The following DCC variants were observed in gnomAD, a reference collection of about 807,000 sequenced individuals.
DCC encodes the protein DCC netrin 1 receptor.
DCC carries 58 observed loss-of-function variants against 172.5 expected under a neutral mutation model. That is an observed-to-expected ratio of 0.34 (90% CI 0.27 to 0.42). The LOEUF is 0.42. DCC is among the 10% of genes least tolerant of loss of function. DCC has a pLI of 1.00. For synonymous variants in DCC, 709 were observed against 644.5 expected (o/e 1.10, Z -1.52); for missense variants, 1,740 against 1,791.0 (o/e 0.97, Z 0.51).
At chr18:53,446,145 A>T (rs1322704733) in intron 22 of DCC, among the ~76,000 whole-genome samples, 1 of 144,758 alleles carries the variant, frequency 6.9e-6, no homozygotes, top group Non-Finnish European at 1.5e-5. Flanking sequence ...TTTTCCAGGG[A>T]TGGTGGCATG....
At chr18:52,997,616 G>A in intron 5 of DCC, among the ~76,000 whole-genome samples, 1 of 152,060 alleles carries the variant, frequency 6.6e-6, no homozygotes, top group East Asian at 1.9e-4. Flanking sequence ...TCTAAGATGT[G>A]CATTGTGCAG....
At chr18:52,425,796 A>T (rs1445920037) in intron 1 of DCC, among the ~76,000 whole-genome samples, 1 of 152,154 alleles carries the variant, frequency 6.6e-6, no homozygotes, top group Non-Finnish European at 1.5e-5. Context: ...CATAGAAATT[A>T]TGTGACTTTG....
At chr18:52,766,312 C>T (rs62081918) in intron 2 of DCC, among the ~76,000 whole-genome samples, 15,089 of 152,260 alleles carry the variant, frequency 0.099, 958 homozygotes, top group Middle Eastern at 0.22. Flanking sequence ...TGTTACAGTG[C>T]TTTCAGCTCT....
chr18:52,669,530 G>T (rs889126801), intron 1 of DCC, among the ~76,000 whole-genome samples: 2 of 152,194 alleles, frequency 1.3e-5, no homozygotes, highest in African/African-American at 2.4e-5. Flanking sequence ...GATGGAATTG[G>T]TTAGATTAGA....
At chr18:52,818,058 A>G (rs1385967531) in intron 2 of DCC, 1 of 152,184 alleles carries the variant, frequency 6.6e-6, no homozygotes, top group Admixed American at 6.5e-5. Flanking sequence ...TGGAGAAAAC[A>G]GAATGATTAG....
At chr18:52,389,168 G>T (rs571340140) in intron 1 of DCC, among the ~76,000 whole-genome samples, 68 of 152,134 alleles carry the variant, frequency 4.5e-4, no homozygotes, top group Non-Finnish European at 8.4e-4. Flanking sequence ...TTTTTGCAGT[G>T]GCTTATAACC....
At chr18:52,739,586 C>G (rs191120984) in intron 1 of DCC, among the ~76,000 whole-genome samples, 1 of 152,200 alleles carries the variant, frequency 6.6e-6, no homozygotes, top group African/African-American at 2.4e-5. Context: ...TCAGTGAAGA[C>G]TTTCTGTCTC....
chr18:52,577,312 A>C (rs965143724), intron 1 of DCC, among the ~76,000 whole-genome samples: 2 of 152,208 alleles, frequency 1.3e-5, no homozygotes, highest in Admixed American at 1.3e-4. Flanking sequence ...ACTAATCACT[A>C]ATCAACTTGA....
At chr18:52,750,549 T>C (rs1338107172) in intron 1 of DCC, among the ~76,000 whole-genome samples, 1 of 152,126 alleles carries the variant, frequency 6.6e-6, no homozygotes, top group Non-Finnish European at 1.5e-5. Flanking sequence ...GTGAAAGGAA[T>C]GAATATATGA....
intron 15 of DCC, among the ~76,000 whole-genome samples, chr18:53,345,322 C>T (rs2057710865): frequency 6.6e-6 from 1 of 152,078 alleles, no homozygotes; most frequent in African/African-American, 2.4e-5. Flanking sequence ...ATCTTTCCCA[C>T]TTTATTTAGG....
intron 9 of DCC, among the ~76,000 whole-genome samples, chr18:53,204,628 CCTT>C (rs2055596676): frequency 6.6e-6 from 1 of 151,494 alleles, no homozygotes; most frequent in Admixed American, 6.6e-5. Flanking sequence ...AGTTATTTAT[CCTT>C]CTTAAGTAAC....
At chr18:53,468,384 A>T (rs371674520) in intron 25 of DCC, among the ~76,000 whole-genome samples, 47 of 144,268 alleles carry the variant, frequency 3.3e-4, no homozygotes, top group African/African-American at 6.4e-4. Flanking sequence ...TATTTATTTT[A>T]TTTATTTATT....
intron 5 of DCC, among the ~76,000 whole-genome samples, chr18:52,947,343 AG>A (rs1219953217): frequency 6.6e-6 from 1 of 152,166 alleles, no homozygotes; most frequent in Non-Finnish European, 1.5e-5. Context: ...TATTTGTACT[AG>A]TCAACTCCTT....
At chr18:52,814,157 G>C (rs56098976) in intron 2 of DCC, among the ~76,000 whole-genome samples, 1 of 152,152 alleles carries the variant, frequency 6.6e-6, no homozygotes, top group Non-Finnish European at 1.5e-5. Context: ...GATATCGTGG[G>C]TTTGTGTTGC....
At position 52,826,482 on chromosome 18, in the gene DCC, CT is replaced by C. The variant is rs201342264; in HGVS notation, c.412+74117del. Among the ~76,000 whole-genome samples the C allele has an allele frequency of 2.7e-5, 4 of 150,730 alleles. No individual in the cohort carries two copies. In the South Asian group the frequency reaches 6.3e-4, roughly 24 times the overall value. ...GAACATTCTAAATTTCTTCCATTCT[CT>C]TTTTTTTTAATGGGAATGAGTCTTT... is the stretch of plus-strand genomic sequence containing the variant. On this transcript the variant is annotated intron_variant, in intron 2 of 28. Coordinates refer to ENST00000442544, the MANE Select transcript of DCC (RefSeq NM_005215.4).
intron 1 of DCC, among the ~76,000 whole-genome samples, chr18:52,744,167 T>C (rs2036871036): frequency 6.6e-6 from 1 of 152,218 alleles, no homozygotes; most frequent in Admixed American, 6.5e-5. Flanking sequence ...TTATGCAATA[T>C]TTATTTAGTA....
intron 2 of DCC, among the ~76,000 whole-genome samples, chr18:52,839,344 C>G (rs1272627895): frequency 6.6e-6 from 1 of 152,124 alleles, no homozygotes; most frequent in Non-Finnish European, 1.5e-5. Context: ...GTTGCAGCTA[C>G]CCACCTAATT....
intron 1 of DCC, among the ~76,000 whole-genome samples, chr18:52,365,838 C>A (rs912290101): frequency 6.6e-6 from 1 of 152,144 alleles, no homozygotes; most frequent in African/African-American, 2.4e-5. Context: ...CACAAAACAG[C>A]CATAGCCAAT....
At chr18:53,213,647 CAAAAAAAAAAA>C (rs34284373) in intron 11 of DCC, among the ~76,000 whole-genome samples, 9 of 35,380 alleles carry the variant, frequency 2.5e-4, no homozygotes, top group Admixed American at 8.1e-4. Context: ...GACTCCGTCT[CAAAAAAAAAAA>C]AAAAAAAAAA....
Sources: gnomAD v4.1 joint callset for allele counts (sites outside exome capture counted in the v4.1 genomes callset) on GRCh38, gnomAD v4.1.1 for gene constraint, MANE v1.5 for transcripts, NCBI Gene and HGNC (gene_info 2026-07-23, HGNC 2026-07-21) for gene names.